Variants in TTC28 observed in about 807,000 individuals in gnomAD.
TTC28 encodes tetratricopeptide repeat protein 28.
A neutral mutation model predicts 198.0 loss-of-function variants in TTC28; 61 were observed. The ratio of observed to expected loss-of-function variants is 0.31; its 90% CI spans 0.25 to 0.38. TTC28 has a LOEUF of 0.38. Among genes scored for constraint, TTC28 ranks in the 10% least tolerant of loss-of-function variants. The pLI is 1.00. For missense variants in TTC28, 2,678 were observed against 3,164.0 expected (o/e 0.85, Z 3.69); for synonymous variants, 1,171 against 1,297.8 (o/e 0.90, Z 2.10).
intron 12 of TTC28, among the ~76,000 whole-genome samples, chr22:28,035,148 T>C (rs1939286154): frequency 6.6e-6 from 1 of 152,190 alleles, no homozygotes; most frequent in Non-Finnish European, 1.5e-5. Context: ...TATTTATGTC[T>C]CAACATCCTT....
intron 5 of TTC28, among the ~76,000 whole-genome samples, chr22:28,193,297 G>A (rs1601455289): frequency 6.6e-6 from 1 of 152,226 alleles, no homozygotes; most frequent in South Asian, 2.1e-4. Context: ...CACTAAACAT[G>A]GAAAGGAACA....
chr22:28,468,346 T>G (rs2048053018), intron 2 of TTC28, among the ~76,000 whole-genome samples: 1 of 152,110 alleles, frequency 6.6e-6, no homozygotes, highest in Admixed American at 6.5e-5. Context: ...ACAGAATCTA[T>G]TTATTTCAGT....
chr22:27,991,467 T>C (rs115295760), intron 19 of TTC28, among the ~76,000 whole-genome samples: 2,278 of 152,264 alleles, frequency 0.015, 70 homozygotes, highest in African/African-American at 0.052. Flanking sequence ...AGGGGACAGG[T>C]CACTGTTGGT....
intron 5 of TTC28, among the ~76,000 whole-genome samples, chr22:28,234,151 C>T (rs890873955): frequency 6.6e-5 from 10 of 151,832 alleles, no homozygotes; most frequent in South Asian, 6.2e-4. Context: ...CGTGATCCGC[C>T]GGCCTCGGCC....
chr22:28,635,246 G>A (rs554938177), intron 1 of TTC28, among the ~76,000 whole-genome samples: 12 of 152,230 alleles, frequency 7.9e-5, no homozygotes, highest in Admixed American at 1.3e-4. Context: ...GCATGAACCC[G>A]GGAGGTGGAG....
intron 5 of TTC28, among the ~76,000 whole-genome samples, chr22:28,177,270 T>C (rs1923251353): frequency 6.6e-6 from 1 of 152,220 alleles, no homozygotes; most frequent in South Asian, 2.1e-4. Context: ...ACATCATATG[T>C]CATTAGGGAA....
rs566359727 is a variant in TTC28 at position 27,980,762 on chromosome 22, C to T, written c.*1459G>A. ...TCTCCAACTAAACTCAGTACTAATACGACTTTCAGCATTTCCTTTCTTTAT... is the reference window on the plus strand; with the variant it reads ...TCTCCAACTAAACTCAGTACTAATATGACTTTCAGCATTTCCTTTCTTTAT... On this transcript the variant is annotated 3_prime_UTR_variant, in exon 23 of 23. Transcript: ENST00000397906. The T allele has an allele frequency of 3.3e-5, 5 of 152,356 alleles. No homozygotes were observed. The highest frequency in any genetic ancestry group is 4.4e-5 in the Non-Finnish European group (3 of 68,046). The allele number at this position is 152,356 out of a possible 1,614,324, so 9.4% of individuals were successfully genotyped here.
chr22:27,985,183 G>T, intron 22 of TTC28, 66 bp downstream of exon 22: 3 of 1,181,644 alleles, frequency 2.5e-6, no homozygotes, highest in East Asian at 2.6e-5. Context: ...TGTATGTGCT[G>T]GTGTCGGCCC....
At chr22:28,082,146 T>C (rs1019331059) in intron 12 of TTC28, among the ~76,000 whole-genome samples, 1 of 152,216 alleles carries the variant, frequency 6.6e-6, no homozygotes. Flanking sequence ...GCTCTAATAG[T>C]TTTTTGGTAG....
intron 2 of TTC28, among the ~76,000 whole-genome samples, chr22:28,347,031 G>GA (rs1342931478): frequency 1.3e-5 from 2 of 152,142 alleles, no homozygotes; most frequent in African/African-American, 4.8e-5. Flanking sequence ...GGGAGGCCAA[G>GA]AAGGGCAGAT....
chr22:28,663,554 G>A (rs1456670298), intron 1 of TTC28, among the ~76,000 whole-genome samples: 2 of 128,778 alleles, frequency 1.6e-5, no homozygotes, highest in Admixed American at 1.6e-4. Context: ...CTGGAAAATC[G>A]GGTCACTCCC....
At chr22:28,192,119 T>C (rs1924861276) in intron 5 of TTC28, among the ~76,000 whole-genome samples, 1 of 152,132 alleles carries the variant, frequency 6.6e-6, no homozygotes, top group Non-Finnish European at 1.5e-5. Flanking sequence ...GGCAGCAACA[T>C]TTGCTGTTCA....
At chr22:28,655,125 CTTGAT>C (rs1601669271) in intron 1 of TTC28, among the ~76,000 whole-genome samples, 1 of 152,222 alleles carries the variant, frequency 6.6e-6, no homozygotes, top group East Asian at 1.9e-4. Flanking sequence ...TGAATGTTGC[CTTGAT>C]TTATCAATGT....
chr22:28,426,211 CAAAAAAAAAA>C (rs34448246), intron 2 of TTC28, among the ~76,000 whole-genome samples: 2,575 of 85,692 alleles, frequency 0.03, 83 homozygotes, highest in African/African-American at 0.11. Context: ...GACTCCACGT[CAAAAAAAAAA>C]AAAAAAAAAA....
intron 18 of TTC28, 176 bp downstream of exon 18, chr22:27,993,111 T>C (rs1288200655): frequency 4.8e-6 from 3 of 631,522 alleles, no homozygotes; most frequent in Non-Finnish European, 8.1e-6. Context: ...TAAATGGCAC[T>C]TGTTTCCTCC....
intron 2 of TTC28, among the ~76,000 whole-genome samples, chr22:28,553,610 T>C (rs947452214): frequency 1.1e-4 from 17 of 148,432 alleles, no homozygotes; most frequent in Admixed American, 3.3e-4. Context: ...GTCTGGGAAG[T>C]GAGGAGCGTC....
chr22:28,297,563 G>T lies in TTC28; in HGVS notation c.802+17C>A. 6.5e-7 allele frequency: 1 copy of T among 1,541,646 alleles called. No individual in the cohort carries two copies. Among genetic ancestry groups the T allele is most frequent in the South Asian group, 1.2e-5 (1 of 83,782 alleles). On this transcript the variant is annotated intron_variant, in intron 4 of 22. Coordinates refer to ENST00000397906, the MANE Select transcript of TTC28 (RefSeq NM_001145418.2). ...TTTGTTCCCTTTCTGCACTGAAATA[G>T]AGAAGCATCACTCTACCTAAGGTCT...
chr22:28,082,233 G>A (rs550473479), intron 12 of TTC28, among the ~76,000 whole-genome samples: 1 of 152,160 alleles, frequency 6.6e-6, no homozygotes, highest in East Asian at 1.9e-4. Context: ...TTTCAATTTG[G>A]ATATTTATTT....
At chr22:28,512,992 T>TC (rs1186358392) in intron 2 of TTC28, among the ~76,000 whole-genome samples, 1 of 150,540 alleles carries the variant, frequency 6.6e-6, no homozygotes, top group Non-Finnish European at 1.5e-5. Flanking sequence ...TTTTTTTTTT[T>TC]TTTTTTTGAG....
Sources: allele counts gnomAD v4.1 joint callset (sites outside exome capture counted in the v4.1 genomes callset), GRCh38; gene constraint gnomAD v4.1.1; transcripts MANE v1.5; gene names NCBI Gene and HGNC (gene_info 2026-07-23, HGNC 2026-07-21).